The following ZNF85 variants were observed in gnomAD, a reference collection of about 807,000 sequenced individuals.
ZNF85 encodes zinc finger protein 85 (HPF4, HTF1).
ZNF85 carries 50 observed loss-of-function variants against 53.9 expected under a neutral mutation model. The ratio of observed to expected loss-of-function variants is 0.93; its 90% CI spans 0.74 to 1.17. The LOEUF (loss-of-function observed/expected upper bound fraction) is 1.17, where lower values mean the gene tolerates loss of function less well. Ranked by LOEUF, ZNF85 falls within the 50% of genes most tolerant of loss-of-function variation. ZNF85 has a pLI of 0.00. For synonymous variants in ZNF85, 225 were observed against 226.1 expected, an observed-to-expected ratio of 1.00 and a Z score of 0.04; for missense variants, 747 against 688.5, an observed-to-expected ratio of 1.08 and a Z score of -0.95.
At chr19:20,942,960 G>A in intron 3 of ZNF85, 1 of 537,570 alleles carries the variant, frequency 1.9e-6, no homozygotes, top group Non-Finnish European at 3.3e-6. Flanking sequence ...ATTATTTGTA[G>A]AGACAGAGTC....
chr19:20,933,487 T>C (rs1305086157), intron 1 of ZNF85, among the ~76,000 whole-genome samples: 1 of 150,400 alleles, frequency 6.6e-6, no homozygotes, highest in African/African-American at 2.4e-5. Flanking sequence ...TTTGACAAAA[T>C]ATTCTTCTTG....
chr19:20,935,499 G>T (rs796794530), intron 3 of ZNF85, among the ~76,000 whole-genome samples: 4 of 152,124 alleles, frequency 2.6e-5, no homozygotes, highest in African/African-American at 9.6e-5. Flanking sequence ...CATCCTGTTT[G>T]TATTACTACA....
In ZNF85 at chr19:20,934,943, A is replaced by T. The variant is rs751793637; in HGVS notation, c.131-6A>T. The T allele has an allele frequency of 1.6e-5, 26 of 1,595,200 alleles. 2 individuals carry two copies. In the South Asian group the frequency reaches 3.0e-4, roughly 18 times the overall value. ...AGATTTATATTATTTATTTTTAATA[A>T]AACAGGTATTACTGTTTCTAAGCCA... On this transcript the variant is annotated splice_polypyrimidine_tract_variant and splice_region_variant and intron_variant, in intron 2 of 3. Transcript: ENST00000328178.
Position 20,948,823 on chromosome 19 carries a change from A to T in ZNF85, c.309A>T (p.Arg103Ser). The change falls in exon 4 of 4, where the codon AGA (arginine) becomes AGT (serine). Residue 103 changes from arginine to serine, a missense_variant. Coordinates refer to ENST00000328178, the MANE Select transcript of ZNF85 (RefSeq NM_003429.5). Reference sequence around the variant, plus strand: ...CTTTCCAAAAAGTGACACTGAAAAGATATGGAAAATGTAGACATGAAAATT... The same window carrying T: ...CTTTCCAAAAAGTGACACTGAAAAGTTATGGAAAATGTAGACATGAAAATT... ...KDSFQKVTLKRYGKCRHENLP... is the reference protein window; with the variant it reads ...KDSFQKVTLKSYGKCRHENLP... 6.2e-7 allele frequency: 1 copy of T among 1,612,556 alleles called. No homozygotes were observed. The highest frequency in any genetic ancestry group is 8.5e-7 in the Non-Finnish European group (1 of 1,179,546).
intron 3 of ZNF85, chr19:20,937,454 C>CG: frequency 2.3e-6 from 1 of 431,078 alleles, no homozygotes; most frequent in Non-Finnish European, 4.6e-6. Flanking sequence ...GCTGCTGGGT[C>CG]TGCACTAGGG....
At chr19:20,948,527 C>CAT (rs1349102720) in intron 3 of ZNF85, among the ~76,000 whole-genome samples, 1 of 152,032 alleles carries the variant, frequency 6.6e-6, no homozygotes, top group East Asian at 1.9e-4. Context: ...TCACCTGGGG[C>CAT]ACTGCACACA....
intron 3 of ZNF85, among the ~76,000 whole-genome samples, chr19:20,938,398 T>C (rs908711003): frequency 5.3e-5 from 8 of 152,270 alleles, no homozygotes; most frequent in African/African-American, 1.9e-4. Context: ...CCTGAAGCAA[T>C]TCTCCAACCT....
chr19:20,938,180 G>A (rs781154174), intron 3 of ZNF85, among the ~76,000 whole-genome samples: 2 of 151,954 alleles, frequency 1.3e-5, no homozygotes, highest in East Asian at 1.9e-4. Flanking sequence ...AGTGATTATC[G>A]TGCCTCAGCC....
intron 3 of ZNF85, among the ~76,000 whole-genome samples, chr19:20,937,883 G>A (rs577705851): frequency 6.6e-6 from 1 of 152,206 alleles, no homozygotes; most frequent in African/African-American, 2.4e-5. Context: ...ACCAAGCTGG[G>A]TGGGCCATTT....
chr19:20,927,098 A>T lies in ZNF85; in HGVS notation c.3+3695A>T, dbSNP rs540135402. 6 of 152,300 alleles carry T rather than the reference A, an allele frequency of 3.9e-5. No homozygotes were observed. The East Asian group carries it at 1.2e-3, about 29-fold the overall frequency. 9.4% of individuals were successfully genotyped at this position (152,300 alleles called of 1,614,324 possible). A position where few individuals can be genotyped will look rare whatever the true frequency, so the allele number is the denominator to read the frequency against. On this transcript the variant is annotated intron_variant, in intron 1 of 3. Coordinates refer to ENST00000328178, the MANE Select transcript of ZNF85 (RefSeq NM_003429.5). Reference sequence around the variant, plus strand: ...ATAAAATGGGGTTGTATGTTGACTCACACTCAGGGTAGCTCAAAGTTCAGG... The same window carrying T: ...ATAAAATGGGGTTGTATGTTGACTCTCACTCAGGGTAGCTCAAAGTTCAGG...
chr19:20,942,737 A>G (rs1381107302), intron 3 of ZNF85: 4 of 666,438 alleles, frequency 6.0e-6, no homozygotes, highest in Non-Finnish European at 1.1e-5. Flanking sequence ...CAGAAAACAC[A>G]CAGTGTATAA....
Position 20,948,862 on chromosome 19 carries a change from A to T in ZNF85, c.348A>T (p.Lys116Asn), listed in dbSNP as rs919258600. The T allele has an allele frequency of 6.2e-7, 1 of 1,613,240 alleles. No homozygotes were observed. The highest frequency in any genetic ancestry group is 2.2e-5 in the East Asian group (1 of 44,848). Residue 116 changes from lysine to asparagine, a missense_variant, in exon 4 of 4, where the codon AAA (lysine) becomes AAT (asparagine). By Grantham distance (94) the Lys-to-Asn change is moderately conservative. Transcript: ENST00000328178. The part of the protein sequence containing the change: ...KCRHENLPLR[K>N]GCESMDECKM... ...GACATGAAAATTTACCATTAAGAAA[A>T]GGCTGTGAAAGTATGGATGAGTGTA...
chr19:20,944,495 T>C (rs141185451), intron 3 of ZNF85, among the ~76,000 whole-genome samples: 174 of 147,582 alleles, frequency 1.2e-3, no homozygotes, highest in African/African-American at 3.8e-3. Context: ...TATATTTTTA[T>C]ATACTTATAT....
intron 3 of ZNF85, among the ~76,000 whole-genome samples, chr19:20,940,424 A>G (rs1973268679): frequency 1.3e-5 from 2 of 152,128 alleles, no homozygotes; most frequent in South Asian, 4.1e-4. Flanking sequence ...GTGGTCCAAG[A>G]TCTTTGGAAG....
Position 20,949,844 on chromosome 19 carries a change from C to G in ZNF85, c.1330C>G (p.His444Asp). Residue 444 changes from histidine (H) to aspartate (D), a missense_variant, in exon 4 of 4, where the codon CAT (histidine) becomes GAT (aspartate). By Grantham distance (81) the His-to-Asp change is moderately conservative (BLOSUM62 -1). Coordinates refer to ENST00000328178, the MANE Select transcript of ZNF85 (RefSeq NM_003429.5). ...AFNQSSKLTE[H>D]KKIHTGEKPY... The stretch of plus-strand genomic sequence containing the variant: ...TAACCAATCCTCAAAACTTACTGAA[C>G]ATAAGAAAATTCATACTGGAGAGAA... 2 of 1,612,408 alleles carry G rather than the reference C, an allele frequency of 1.2e-6. No individual in the cohort carries two copies. Among genetic ancestry groups the G allele is most frequent in the East Asian group, 2.2e-5 (1 of 44,802 alleles).
intron 1 of ZNF85, chr19:20,928,810 C>G (rs569283683): frequency 6.6e-6 from 1 of 152,206 alleles, no homozygotes; most frequent in Non-Finnish European, 1.5e-5. Context: ...CCACCGGGAC[C>G]GCTGTCTGTA....
rs1972798003 is a variant in ZNF85 at position 20,923,290 on chromosome 19, T to G, written c.-111T>G. 1.3e-6 allele frequency: 2 copies of G among 1,560,626 alleles called. No homozygotes were observed. The highest frequency in any genetic ancestry group is 2.2e-5 in the South Asian group (2 of 89,232). ...CTGCAGCCTGAGCTCTAGGTCTTGTTTTCCCTGCTTTGTGTTTTCTGCTCG... is the reference window on the plus strand; with the variant it reads ...CTGCAGCCTGAGCTCTAGGTCTTGTGTTCCCTGCTTTGTGTTTTCTGCTCG... On this transcript the variant is annotated 5_prime_UTR_variant, in exon 1 of 4. Coordinates refer to ENST00000328178, the MANE Select transcript of ZNF85 (RefSeq NM_003429.5).
At position 20,923,330 on chromosome 19, in the gene ZNF85, C is replaced by G; in HGVS notation, c.-71C>G. 3.7e-6 allele frequency: 6 copies of G among 1,611,706 alleles called. No homozygotes were observed. In the African/African-American group the frequency reaches 5.3e-5, roughly 14 times the overall value. The stretch of plus-strand genomic sequence containing the variant: ...TTTTCTGCTCGTGGACGCCCAGCCT[C>G]TGTGGCCCTGTGGCCTGCAGGTATT... On this transcript the variant is annotated 5_prime_UTR_variant, in exon 1 of 4. Transcript: ENST00000328178.
intron 3 of ZNF85, among the ~76,000 whole-genome samples, chr19:20,939,549 A>T (rs759179674): frequency 6.6e-6 from 1 of 151,636 alleles, no homozygotes; most frequent in Non-Finnish European, 1.5e-5. Context: ...CACCACTCCC[A>T]GGTAGTGTAG....
Sources: gnomAD v4.1 joint callset for allele counts (sites outside exome capture counted in the v4.1 genomes callset) on GRCh38, gnomAD v4.1.1 for gene constraint, MANE v1.5 for transcripts, NCBI Gene and HGNC (gene_info 2026-07-23, HGNC 2026-07-21) for gene names.